Variants in DRC3 observed in about 807,000 individuals in gnomAD.
DRC3 encodes dynein regulatory complex subunit 3.
In DRC3, 45 loss-of-function variants were observed where a neutral mutation model predicts 57.6. The ratio of observed to expected loss-of-function variants is 0.78; its 90% CI spans 0.62 to 1.00. DRC3 has a LOEUF of 1.00. DRC3 is among the 50% of genes least tolerant of loss of function. The probability of loss-of-function intolerance (pLI) is 0.00; values close to 1 mark genes in which losing one functional copy is unlikely to be tolerated. For synonymous variants in DRC3, 257 were observed against 272.3 expected (o/e 0.94, Z 0.55); for missense variants, 655 against 675.2 (o/e 0.97, Z 0.33).
chr17:17,990,375 CCT>C (rs927178314), intron 5 of DRC3, among the ~76,000 whole-genome samples: 1 of 152,240 alleles, frequency 6.6e-6, no homozygotes, highest in Non-Finnish European at 1.5e-5. Context: ...TGAATCAGCC[CCT>C]GACCTTGTCT....
At chr17:18,015,817 G>A (rs1278238014) in intron 12 of DRC3, 3 of 418,530 alleles carry the variant, frequency 7.2e-6, no homozygotes, top group African/African-American at 2.0e-5. Context: ...TGCTTCCAGC[G>A]GGGACTGCAA....
chr17:18,006,490 C>T (rs2043956081), intron 11 of DRC3: 1 of 564,190 alleles, frequency 1.8e-6, no homozygotes. Context: ...GGAAATGACG[C>T]CCCCTGTGTT....
At chr17:17,978,441 A>G (rs1052495907) in intron 3 of DRC3, among the ~76,000 whole-genome samples, 10 of 152,204 alleles carry the variant, frequency 6.6e-5, no homozygotes, top group African/African-American at 2.2e-4. Flanking sequence ...GTACGAGGGC[A>G]GTGAGAGAGG....
chr17:17,986,189 G>T (rs999549235), intron 4 of DRC3, among the ~76,000 whole-genome samples: 3 of 152,318 alleles, frequency 2.0e-5, no homozygotes, highest in Admixed American at 2.0e-4. Context: ...CGGGATTATA[G>T]GCGTGAGCCA....
intron 5 of DRC3, 121 bp from the exon 6 acceptor site, chr17:17,992,644 C>T (rs2043284805): frequency 1.8e-6 from 2 of 1,087,310 alleles, no homozygotes; most frequent in Non-Finnish European, 2.6e-6. Context: ...GTCACCCCAC[C>T]CCAGTGCTGA....
In DRC3 at chr17:17,994,414, A is replaced by C. The variant is rs1166523067; in HGVS notation, c.707A>C (p.His236Pro). The C allele has an allele frequency of 6.4e-7, 1 of 1,552,038 alleles. No individual in the cohort carries two copies. Among genetic ancestry groups the C allele is most frequent in the Non-Finnish European group, 8.7e-7 (1 of 1,147,498 alleles). Residue 236 changes from histidine to proline, a missense_variant, in exon 7 of 14, where the codon CAC becomes CCC. Coordinates refer to ENST00000399187, the MANE Select transcript of DRC3 (RefSeq NM_031294.4). ...EQAQREELEK[H>P]KTAFVEHLNG... Reference sequence around the variant, plus strand: ...GCGCAGCGGGAGGAGCTAGAGAAGCACAAGGTACCGTTCCGGCAGGCTGCA... The same window carrying C: ...GCGCAGCGGGAGGAGCTAGAGAAGCCCAAGGTACCGTTCCGGCAGGCTGCA...
intron 9 of DRC3, among the ~76,000 whole-genome samples, chr17:18,003,032 G>A (rs891359919): frequency 6.6e-6 from 1 of 152,196 alleles, no homozygotes; most frequent in South Asian, 2.1e-4. Context: ...TATATACTTA[G>A]TTGGACAGAG....
rs1307515584 is a variant in DRC3, at chr17:18,007,373, T to C, written c.1326+226T>C. ...CCAGTTAAAGAGGAGCTCATGATAA[T>C]TAGATGGTTTCAACTTTCCAACAGG... is the stretch of plus-strand genomic sequence containing the variant. On this transcript the variant is annotated intron_variant, in intron 12 of 13. Transcript: ENST00000399187. 6 of 1,550,362 alleles carry C rather than the reference T, an allele frequency of 3.9e-6. No individual in the cohort carries two copies. In the Admixed American group the frequency reaches 1.2e-4, roughly 30 times the overall value.
intron 3 of DRC3, among the ~76,000 whole-genome samples, chr17:17,982,738 C>G (rs2145236624): frequency 6.6e-6 from 1 of 151,872 alleles, no homozygotes; most frequent in South Asian, 2.1e-4. Context: ...CCACGCCCAG[C>G]CAATTTTTTG....
In DRC3 at chr17:17,988,035, G is replaced by A; in HGVS notation, c.381G>A (p.Leu127=). 1 of 1,613,978 alleles carries A rather than the reference G, an allele frequency of 6.2e-7. No homozygotes were observed. Among genetic ancestry groups the A allele is most frequent in the Non-Finnish European group, 8.5e-7 (1 of 1,179,896 alleles). Residue 127 remains leucine, a synonymous_variant, in exon 5 of 14, where the codon CTG becomes CTA. Coordinates refer to ENST00000399187, the MANE Select transcript of DRC3 (RefSeq NM_031294.4). ...ACCGGATCTCCAAGATCGACTCCCT[G>A]GACGCCCTCGTCAAGCTGCAGGTGT... ...FNNRISKIDS[L]DALVKLQVLS...
intron 5 of DRC3, 139 bp from the exon 6 acceptor site, chr17:17,992,626 C>T: frequency 1.1e-6 from 1 of 887,934 alleles, no homozygotes. Context: ...CACGCCTGCA[C>T]ACTGCCTGTC....
rs971147582 is a variant in DRC3, at chr17:17,987,828, T to C, written c.278-104T>C. 3.5e-5 allele frequency: 42 copies of C among 1,213,058 alleles called. No individual in the cohort carries two copies. The African/African-American group carries it at 5.5e-4, about 16-fold the overall frequency. 75.1% of individuals were successfully genotyped at this position (1,213,058 alleles called of 1,614,324 possible). A position where few individuals can be genotyped will look rare whatever the true frequency, so the allele number is the denominator to read the frequency against. On this transcript the variant is annotated intron_variant, in intron 4 of 13. Coordinates refer to ENST00000399187, the MANE Select transcript of DRC3 (RefSeq NM_031294.4). ...GAGTCAAATTCTGGCCCTGGCAGCT[T>C]GGTGCTGGCTCACAGGGCACTCAGT...
chr17:17,988,482 G>T, intron 5 of DRC3: 1 of 177,798 alleles, frequency 5.6e-6, no homozygotes, highest in Non-Finnish European at 1.2e-5. Flanking sequence ...CATAGTCAAG[G>T]CACAAGGAGA....
chr17:18,007,136 G>A lies in DRC3; in HGVS notation c.1315G>A (p.Asp439Asn), dbSNP rs753182537. The change falls in exon 12 of 14, where the codon GAC (aspartate) becomes AAC (asparagine). Residue 439 changes from aspartate to asparagine, a missense_variant. Coordinates refer to ENST00000399187, the MANE Select transcript of DRC3 (RefSeq NM_031294.4). Reference sequence around the variant, plus strand: ...CGACCTGGACGAGGACCTGCCTAACGACCTGCGCGCGGTAGGCGGGGCGGG... The same window carrying A: ...CGACCTGGACGAGGACCTGCCTAACAACCTGCGCGCGGTAGGCGGGGCGGG... ...EGDLDEDLPN[D>N]LRALFVDKDT... 1 of 1,598,782 alleles carries A rather than the reference G, an allele frequency of 6.3e-7. No homozygotes were observed. The highest frequency in any genetic ancestry group is 8.5e-7 in the Non-Finnish European group (1 of 1,172,646).
intron 12 of DRC3, among the ~76,000 whole-genome samples, chr17:18,012,215 A>G (rs1597648605): frequency 6.6e-6 from 1 of 152,258 alleles, no homozygotes; most frequent in African/African-American, 2.4e-5. Flanking sequence ...ATATATTTAC[A>G]GCCAACTGAT....
Position 18,016,111 on chromosome 17 carries a change from C to T in DRC3, c.1374C>T (p.His458=), listed in dbSNP as rs755155187. Residue 458 remains histidine, a synonymous_variant, in exon 13 of 14, where the codon CAC becomes CAT. Coordinates refer to ENST00000399187, the MANE Select transcript of DRC3 (RefSeq NM_031294.4). The part of the protein sequence containing the change: ...DTIVNAVGAS[H]DIHLLKIDNR... ...TTGTTAATGCTGTCGGGGCATCGCA[C>T]GACATCCACCTCCTGAAGATTGACA... 2.8e-5 allele frequency: 45 copies of T among 1,613,772 alleles called. No individual in the cohort carries two copies. Among genetic ancestry groups the T allele is most frequent in the East Asian group, 1.1e-4 (5 of 44,888 alleles).
intron 8 of DRC3, among the ~76,000 whole-genome samples, 161 bp downstream of exon 8, chr17:17,995,272 C>T (rs1023134654): frequency 2.6e-5 from 4 of 152,338 alleles, no homozygotes; most frequent in African/African-American, 7.2e-5. Flanking sequence ...GTTCAGAGTC[C>T]GGTCAGCTGA....
In DRC3 at chr17:18,007,086, G is replaced by C; in HGVS notation, c.1265G>C (p.Ser422Thr). The C allele has an allele frequency of 2.0e-6, 3 of 1,486,040 alleles. No homozygotes were observed. Among genetic ancestry groups the C allele is most frequent in the Non-Finnish European group, 2.7e-6 (3 of 1,112,036 alleles). The allele number at this position is 1,486,040 out of a possible 1,614,324, so 92.1% of individuals were successfully genotyped here. The change falls in exon 12 of 14, where the codon AGC (serine) becomes ACC (threonine). Residue 422 changes from serine to threonine, a missense_variant. Physicochemically the swap from Ser to Thr is moderately conservative, Grantham distance 58. Coordinates refer to ENST00000399187, the MANE Select transcript of DRC3 (RefSeq NM_031294.4). ...GAGAAGCTCCTGGAGATCTCTATCA[G>C]CACCCTGGAGAAGATTGTCGAGGGC... ...HHEKLLEISI[S>T]TLEKIVEGDL...
intron 3 of DRC3, chr17:17,977,991 A>C (rs1181595329): frequency 7.0e-6 from 3 of 427,064 alleles, no homozygotes; most frequent in Non-Finnish European, 1.2e-5. Context: ...ATAAGAATAG[A>C]AAACAAGATA....
Sources: gnomAD v4.1 joint callset for allele counts (sites outside exome capture counted in the v4.1 genomes callset) on GRCh38, gnomAD v4.1.1 for gene constraint, MANE v1.5 for transcripts, NCBI Gene and HGNC (gene_info 2026-07-23, HGNC 2026-07-21) for gene names.